LRBA: variants seen among roughly 807,000 people sequenced by gnomAD.
LRBA encodes the protein LPS responsive beige-like anchor protein, also known as lipopolysaccharide-responsive and beige-like anchor protein.
A neutral mutation model predicts 330.0 loss-of-function variants in LRBA; 176 were observed. The ratio of observed to expected loss-of-function variants is 0.53; its 90% CI spans 0.47 to 0.60. The LOEUF (loss-of-function observed/expected upper bound fraction) is 0.60, where lower values mean the gene tolerates loss of function less well. Ranked by LOEUF, LRBA falls within the 20% of genes least tolerant of loss-of-function variation. The probability of loss-of-function intolerance (pLI) is 0.00; values close to 1 mark genes in which losing one functional copy is unlikely to be tolerated. For missense variants in LRBA, 3,259 were observed against 3,444.8 expected (o/e 0.95, Z 1.35); for synonymous variants, 1,230 against 1,193.0 (o/e 1.03, Z -0.64).
At chr4:150,578,214 C>T (rs1470128284) in intron 40 of LRBA, among the ~76,000 whole-genome samples, 1 of 152,190 alleles carries the variant, frequency 6.6e-6, no homozygotes, top group African/African-American at 2.4e-5. Context: ...GTTGATAAAT[C>T]TAATACTGTA....
chr4:150,451,908 T>G (rs1044365663), intron 44 of LRBA, among the ~76,000 whole-genome samples: 1 of 152,290 alleles, frequency 6.6e-6, no homozygotes, highest in Non-Finnish European at 1.5e-5. Flanking sequence ...CTTTATCTGT[T>G]AAGGAAACTG....
intron 2 of LRBA, among the ~76,000 whole-genome samples, chr4:150,974,224 C>CA (rs1739896915): frequency 2.0e-5 from 3 of 152,126 alleles, no homozygotes; most frequent in Non-Finnish European, 4.4e-5. Flanking sequence ...AACCATCATT[C>CA]TAATGAGTTG....
At chr4:150,936,166 C>T (rs1340551496) in intron 2 of LRBA, among the ~76,000 whole-genome samples, 2 of 151,992 alleles carry the variant, frequency 1.3e-5, no homozygotes, top group African/African-American at 4.8e-5. Flanking sequence ...CTTTCATACA[C>T]TCCTGTTGAA....
At chr4:150,358,488 AT>A (rs1295367649) in intron 47 of LRBA, among the ~76,000 whole-genome samples, 6 of 152,202 alleles carry the variant, frequency 3.9e-5, no homozygotes, top group Non-Finnish European at 8.8e-5. Context: ...TGTAATATTT[AT>A]AGACATTAAA....
intron 47 of LRBA, among the ~76,000 whole-genome samples, chr4:150,403,403 C>A (rs564383145): frequency 2.6e-5 from 4 of 152,302 alleles, no homozygotes. Context: ...CTCGCAGAAA[C>A]GATGACTACC....
chr4:150,678,483 G>A (rs1049245873), intron 37 of LRBA, among the ~76,000 whole-genome samples: 2 of 152,104 alleles, frequency 1.3e-5, no homozygotes, highest in East Asian at 3.8e-4. Context: ...GTCTCATTAT[G>A]TATCTGGCCA....
chr4:150,266,180 A>G (rs2126681747), intron 56 of LRBA, among the ~76,000 whole-genome samples: 1 of 152,324 alleles, frequency 6.6e-6, no homozygotes, highest in African/African-American at 2.4e-5. Context: ...CAACAGACTC[A>G]AAAGAAGGAA....
At chr4:150,346,757 C>CCAAAAA (rs1206950764) in intron 48 of LRBA, among the ~76,000 whole-genome samples, 2 of 66,136 alleles carry the variant, frequency 3.0e-5, no homozygotes, top group African/African-American at 1.6e-4. Context: ...GACTCTGTCT[C>CCAAAAA]AAAAAAAAAA....
chr4:150,554,236 T>C lies in LRBA; in HGVS notation c.6330+33812A>G, dbSNP rs1041860224. 2.1e-5 allele frequency among the ~76,000 whole-genome samples: 3 copies of C among 144,590 alleles called. No individual in the cohort carries two copies. In the South Asian group the frequency reaches 6.4e-4, roughly 31 times the overall value. 94.9% of individuals were successfully genotyped at this position (144,590 alleles called of 152,430 possible). The stretch of plus-strand genomic sequence containing the variant: ...GATTTCATCCCCATATCTGTAACTT[T>C]CACAGGGGAAAGAGGGGTAAGATAG... On this transcript the variant is annotated intron_variant, in intron 40 of 56. Transcript: ENST00000651943.
chr4:150,710,536 GA>G (rs550726231), intron 36 of LRBA, among the ~76,000 whole-genome samples: 292 of 148,264 alleles, frequency 2.0e-3, no homozygotes, highest in Middle Eastern at 3.4e-3. Context: ...GGGTCAAAGT[GA>G]AAAAAAAATA....
At chr4:150,487,930 G>A (rs954262014) in intron 41 of LRBA, 96 bp from the exon 42 acceptor site, 3 of 553,682 alleles carry the variant, frequency 5.4e-6, no homozygotes, top group Non-Finnish European at 9.8e-6. Flanking sequence ...TTTAATTCAG[G>A]TATCTATTAA....
chr4:150,471,796 G>T, intron 42 of LRBA, 57 bp from the exon 43 acceptor site: 1 of 830,162 alleles, frequency 1.2e-6, no homozygotes, highest in Non-Finnish European at 2.0e-6. Flanking sequence ...AATAAATCAT[G>T]AATTATCTGT....
At chr4:150,687,653 C>A (rs558093202) in intron 36 of LRBA, among the ~76,000 whole-genome samples, 84 of 152,052 alleles carry the variant, frequency 5.5e-4, no homozygotes, top group Non-Finnish European at 1.0e-3. Context: ...TAAACCTCCA[C>A]AGAAGAAATT....
In LRBA at chr4:150,516,215, C is replaced by CTTTTTTTTTTTTTTT. The variant is rs1384014823; in HGVS notation, c.6331-25181_6331-25180insAAAAAAAAAAAAAAA. On this transcript the variant is annotated intron_variant, in intron 40 of 56. Coordinates refer to ENST00000651943, the MANE Select transcript of LRBA (RefSeq NM_001364905.1). ...GTAATTCAGTCTGACATTTTCTATTCTCTTTTTTTTTTTTTTTTTTTTTTT... is the reference window on the plus strand; with the variant it reads ...GTAATTCAGTCTGACATTTTCTATTCTTTTTTTTTTTTTTTTCTTTTTTTTTTTTTTTTTTTTTTT... Among the ~76,000 whole-genome samples the CTTTTTTTTTTTTTTT allele has an allele frequency of 3.3e-4, 29 of 86,712 alleles. 11 individuals are homozygous for CTTTTTTTTTTTTTTT. Among genetic ancestry groups the CTTTTTTTTTTTTTTT allele is most frequent in the Non-Finnish European group, 4.9e-4 (22 of 45,162 alleles). The allele number at this position is 86,712 out of a possible 152,430, so 56.9% of individuals were successfully genotyped here. A position where few individuals can be genotyped will look rare whatever the true frequency, so the allele number is the denominator to read the frequency against.
intron 2 of LRBA, among the ~76,000 whole-genome samples, chr4:150,991,853 C>T (rs1271448577): frequency 6.6e-6 from 1 of 152,142 alleles, no homozygotes; most frequent in African/African-American, 2.4e-5. Flanking sequence ...TAATCTCTGC[C>T]TTCAAGCTCA....
intron 34 of LRBA, among the ~76,000 whole-genome samples, chr4:150,787,506 A>G (rs1252847112): frequency 6.6e-6 from 1 of 152,094 alleles, no homozygotes; most frequent in Non-Finnish European, 1.5e-5. Context: ...CTTCTATCTC[A>G]ATACTTTTTG....
chr4:151,002,124 A>T (rs1244638511), intron 2 of LRBA, among the ~76,000 whole-genome samples: 1 of 151,574 alleles, frequency 6.6e-6, no homozygotes, highest in Non-Finnish European at 1.5e-5. Context: ...AAGCAAGTTC[A>T]AATAATTTGA....
At chr4:150,619,242 T>C (rs761041855) in intron 37 of LRBA, among the ~76,000 whole-genome samples, 5 of 152,302 alleles carry the variant, frequency 3.3e-5, no homozygotes, top group East Asian at 1.9e-4. Context: ...ATAGAGTCCA[T>C]ATGTTCTTCA....
At chr4:150,559,883 AATT>A (rs375908334) in intron 40 of LRBA, among the ~76,000 whole-genome samples, 1,338 of 17,162 alleles carry the variant, frequency 0.078, 16 homozygotes, top group African/African-American at 0.12. Flanking sequence ...AATTATATAT[AATT>A]ATATATAATT....
Sources: gnomAD v4.1 joint callset for allele counts (sites outside exome capture counted in the v4.1 genomes callset) on GRCh38, gnomAD v4.1.1 for gene constraint, MANE v1.5 for transcripts, NCBI Gene and HGNC (gene_info 2026-07-23, HGNC 2026-07-21) for gene names.